MCTP1: variants seen among roughly 807,000 people sequenced by gnomAD.
MCTP1 encodes multiple C2 and transmembrane domain-containing protein 1.
MCTP1 carries 69 observed loss-of-function variants against 120.6 expected under a neutral mutation model. The ratio of observed to expected loss-of-function variants is 0.57; its 90% CI spans 0.47 to 0.70. The LOEUF is 0.70. MCTP1 is among the 30% of genes least tolerant of loss of function. The pLI is 0.00. For missense variants in MCTP1, 1,203 were observed against 1,248.8 expected, an observed-to-expected ratio of 0.96 and a Z score of 0.55; for synonymous variants, 529 against 493.1, an observed-to-expected ratio of 1.07 and a Z score of -0.96.
intron 17 of MCTP1, among the ~76,000 whole-genome samples, chr5:94,839,503 G>A (rs1055118322): frequency 5.3e-5 from 8 of 151,826 alleles, no homozygotes; most frequent in Admixed American, 1.3e-4. Context: ...TTTTTTTCTC[G>A]GTAGTAATTT....
chr5:94,720,772 T>G (rs1760712379), intron 19 of MCTP1, among the ~76,000 whole-genome samples: 1 of 152,228 alleles, frequency 6.6e-6, no homozygotes. Flanking sequence ...AAGAAATAAA[T>G]GAACTGGTAC....
chr5:95,245,914 T>C (rs529688769), intron 1 of MCTP1, among the ~76,000 whole-genome samples: 3 of 152,234 alleles, frequency 2.0e-5, no homozygotes, highest in Admixed American at 1.3e-4. Context: ...GAAAAAATGT[T>C]AAGCGCAGCC....
intron 1 of MCTP1, among the ~76,000 whole-genome samples, chr5:95,026,168 T>TG (rs1384329301): frequency 2.0e-5 from 3 of 152,126 alleles, no homozygotes; most frequent in Non-Finnish European, 4.4e-5. Flanking sequence ...TTAATTTTTG[T>TG]GGGTACATAG....
At chr5:95,260,824 GT>G (rs1469339329) in intron 1 of MCTP1, among the ~76,000 whole-genome samples, 1 of 152,050 alleles carries the variant, frequency 6.6e-6, no homozygotes, top group Non-Finnish European at 1.5e-5. Context: ...AACCCAGAGG[GT>G]TTACTGTAAT....
intron 1 of MCTP1, among the ~76,000 whole-genome samples, chr5:95,167,685 C>T (rs796273092): frequency 2.0e-5 from 3 of 152,140 alleles, no homozygotes; most frequent in Non-Finnish European, 4.4e-5. Flanking sequence ...TTTCATGTGT[C>T]TTTTGGCTAC....
chr5:95,079,928 T>C (rs1199570594), intron 1 of MCTP1, among the ~76,000 whole-genome samples: 1 of 152,148 alleles, frequency 6.6e-6, no homozygotes, highest in African/African-American at 2.4e-5. Flanking sequence ...TTAACTCCTC[T>C]AATTGTGAAA....
chr5:95,147,108 A>G (rs938210660), intron 1 of MCTP1, among the ~76,000 whole-genome samples: 1 of 151,912 alleles, frequency 6.6e-6, no homozygotes, highest in African/African-American at 2.4e-5. Flanking sequence ...TTTTTTTAAG[A>G]CAGAGTCTCA....
chr5:94,840,178 A>C (rs1290561788), intron 17 of MCTP1, among the ~76,000 whole-genome samples: 1 of 150,862 alleles, frequency 6.6e-6, no homozygotes, highest in African/African-American at 2.4e-5. Flanking sequence ...TGTAGCTGGA[A>C]AAAAAAAATC....
intron 1 of MCTP1, among the ~76,000 whole-genome samples, chr5:95,171,001 AGT>A: frequency 6.7e-6 from 1 of 150,002 alleles, no homozygotes; most frequent in Admixed American, 6.6e-5. Flanking sequence ...GTTTCTTCCT[AGT>A]CTCGATGGTC....
At chr5:95,186,523 A>T (rs1225384968) in intron 1 of MCTP1, among the ~76,000 whole-genome samples, 3 of 152,188 alleles carry the variant, frequency 2.0e-5, no homozygotes, top group Non-Finnish European at 2.9e-5. Context: ...AGAAAGATAG[A>T]AATAAATGGA....
At chr5:95,185,532 C>T (rs1441958284) in intron 1 of MCTP1, among the ~76,000 whole-genome samples, 2 of 152,126 alleles carry the variant, frequency 1.3e-5, no homozygotes, top group African/African-American at 2.4e-5. Flanking sequence ...ACCTGTAATC[C>T]CAGTATTTGG....
At chr5:94,927,960 G>A (rs1471521599) in intron 6 of MCTP1, among the ~76,000 whole-genome samples, 1 of 151,866 alleles carries the variant, frequency 6.6e-6, no homozygotes, top group African/African-American at 2.4e-5. Flanking sequence ...AAAGATATAA[G>A]CTGTCAAGTA....
At chr5:95,135,890 G>A (rs955115966) in intron 1 of MCTP1, among the ~76,000 whole-genome samples, 1 of 152,170 alleles carries the variant, frequency 6.6e-6, no homozygotes, top group Non-Finnish European at 1.5e-5. Flanking sequence ...GTAAAAACTG[G>A]TTTATTGTTC....
intron 19 of MCTP1, among the ~76,000 whole-genome samples, chr5:94,743,097 A>G (rs1765906916): frequency 1.3e-5 from 2 of 151,584 alleles, no homozygotes; most frequent in Admixed American, 1.3e-4. Context: ...ATCAAGTACG[A>G]ACATCTAATA....
chr5:95,188,353 T>C (rs1562221064), intron 1 of MCTP1, among the ~76,000 whole-genome samples: 2 of 152,182 alleles, frequency 1.3e-5, no homozygotes. Context: ...TCAGCAGTTT[T>C]ATATAAAACT....
intron 1 of MCTP1, among the ~76,000 whole-genome samples, chr5:95,083,361 T>C (rs966777887): frequency 6.6e-6 from 1 of 152,210 alleles, no homozygotes; most frequent in Non-Finnish European, 1.5e-5. Flanking sequence ...TTCATTACTC[T>C]AGCAAATACT....
intron 1 of MCTP1, among the ~76,000 whole-genome samples, chr5:95,224,199 G>GAGGT (rs1490629049): frequency 6.6e-6 from 1 of 152,158 alleles, no homozygotes; most frequent in Non-Finnish European, 1.5e-5. Context: ...GGCCTGAAGG[G>GAGGT]AGGTAGCCAT....
At chr5:95,051,728 C>A (rs902202826) in intron 1 of MCTP1, among the ~76,000 whole-genome samples, 4 of 151,984 alleles carry the variant, frequency 2.6e-5, no homozygotes, top group Non-Finnish European at 4.4e-5. Context: ...AGATCATGTC[C>A]TTTGCAGCAA....
chr5:94,711,477 C>T (rs1479914655), intron 20 of MCTP1, among the ~76,000 whole-genome samples: 2 of 152,102 alleles, frequency 1.3e-5, no homozygotes, highest in Non-Finnish European at 2.9e-5. Context: ...AACTGGAAAT[C>T]AGGAAAGAGG....
Sources: gnomAD v4.1 joint callset for allele counts (sites outside exome capture counted in the v4.1 genomes callset) on GRCh38, gnomAD v4.1.1 for gene constraint, MANE v1.5 for transcripts, NCBI Gene and HGNC (gene_info 2026-07-23, HGNC 2026-07-21) for gene names.